The following MSRA variants were observed in gnomAD, a reference collection of about 807,000 sequenced individuals.
The protein encoded by MSRA is mitochondrial peptide methionine sulfoxide reductase.
MSRA carries 54 observed loss-of-function variants against 31.3 expected under a neutral mutation model. That is an observed-to-expected ratio of 1.73 (90% CI 1.39 to 2.17). The LOEUF is 2.17. Among genes scored for constraint, MSRA ranks in the 30% most tolerant of loss-of-function variants. The pLI is 0.00. For synonymous variants in MSRA, 169 were observed against 116.5 expected (o/e 1.45, Z -2.90); for missense variants, 507 against 300.9 (o/e 1.69, Z -5.07).
intron 1 of MSRA, among the ~76,000 whole-genome samples, chr8:10,079,340 A>T (rs755311482): frequency 2.0e-5 from 3 of 151,982 alleles, no homozygotes; most frequent in Admixed American, 6.6e-5. Context: ...TTTTTTGTAG[A>T]GACAGGGTTT....
At chr8:10,168,521 G>A (rs1214148931) in intron 1 of MSRA, among the ~76,000 whole-genome samples, 3 of 152,282 alleles carry the variant, frequency 2.0e-5, no homozygotes, top group African/African-American at 7.2e-5. Flanking sequence ...GTAGGGAGGA[G>A]GGAAGTAGCA....
At chr8:10,250,516 C>T in intron 3 of MSRA, 2 of 698,438 alleles carry the variant, frequency 2.9e-6, no homozygotes, top group South Asian at 1.5e-5. Flanking sequence ...ATGAAAGGAG[C>T]TGCACAACTT....
At chr8:10,370,286 C>T (rs1805403606) in intron 5 of MSRA, among the ~76,000 whole-genome samples, 1 of 152,158 alleles carries the variant, frequency 6.6e-6, no homozygotes, top group African/African-American at 2.4e-5. Flanking sequence ...AGATTCCTTC[C>T]TTAGCCTCTT....
intron 1 of MSRA, among the ~76,000 whole-genome samples, chr8:10,080,723 G>T (rs1353256932): frequency 4.8e-5 from 7 of 146,254 alleles, no homozygotes; most frequent in African/African-American, 1.8e-4. Context: ...ATTTCTAGTA[G>T]AGATGAGGTC....
intron 3 of MSRA, among the ~76,000 whole-genome samples, chr8:10,281,599 GA>G (rs1401808559): frequency 1.3e-5 from 2 of 152,296 alleles, no homozygotes; most frequent in East Asian, 3.9e-4. Context: ...ACACAACTTA[GA>G]AAAATGCTAT....
intron 1 of MSRA, among the ~76,000 whole-genome samples, chr8:10,077,004 A>G (rs1445923768): frequency 2.0e-5 from 3 of 149,712 alleles, no homozygotes; most frequent in Non-Finnish European, 3.0e-5. Flanking sequence ...TGCTGCACCT[A>G]TGTAATAAAC....
chr8:10,063,500 G>T (rs746552452), intron 1 of MSRA, among the ~76,000 whole-genome samples: 12 of 152,170 alleles, frequency 7.9e-5, no homozygotes, highest in Non-Finnish European at 1.3e-4. Flanking sequence ...CTTCCTTGCA[G>T]GTTGCTATGG....
At chr8:10,400,403 A>G (rs528656113) in intron 5 of MSRA, among the ~76,000 whole-genome samples, 2 of 96,908 alleles carry the variant, frequency 2.1e-5, no homozygotes, top group African/African-American at 3.1e-5. Flanking sequence ...GTGTGTAGGG[A>G]AAGATACACG....
At chr8:10,391,313 A>AT in intron 5 of MSRA, among the ~76,000 whole-genome samples, 1 of 152,162 alleles carries the variant, frequency 6.6e-6, no homozygotes, top group Admixed American at 6.5e-5. Context: ...GACATATTCA[A>AT]TGCTCTTGGC....
chr8:10,196,244 A>G (rs144885983), intron 1 of MSRA, among the ~76,000 whole-genome samples: 180 of 152,318 alleles, frequency 1.2e-3, no homozygotes, highest in South Asian at 3.5e-3. Flanking sequence ...AACGTGTGCC[A>G]CCTTCTCTTC....
intron 4 of MSRA, among the ~76,000 whole-genome samples, chr8:10,315,330 G>T (rs1361254608): frequency 6.6e-6 from 1 of 152,158 alleles, no homozygotes; most frequent in East Asian, 1.9e-4. Flanking sequence ...CAAAAACCAG[G>T]TGTGGTACAA....
At chr8:10,382,953 C>G (rs894124667) in intron 5 of MSRA, among the ~76,000 whole-genome samples, 4 of 152,234 alleles carry the variant, frequency 2.6e-5, no homozygotes, top group Non-Finnish European at 5.9e-5. Flanking sequence ...TTGAAACTTT[C>G]ATCTTCTCCT....
intron 1 of MSRA, among the ~76,000 whole-genome samples, chr8:10,093,394 T>G (rs1798954173): frequency 6.6e-6 from 1 of 152,200 alleles, no homozygotes; most frequent in Non-Finnish European, 1.5e-5. Flanking sequence ...CATCTTAATT[T>G]ATAACAATCT....
At chr8:10,235,992 A>C (rs1450326200) in intron 2 of MSRA, among the ~76,000 whole-genome samples, 1 of 152,206 alleles carries the variant, frequency 6.6e-6, no homozygotes, top group African/African-American at 2.4e-5. Context: ...AAATCTGTTA[A>C]TGTAATATAC....
chr8:10,387,950 C>T (rs1002689132), intron 5 of MSRA, among the ~76,000 whole-genome samples: 14 of 152,104 alleles, frequency 9.2e-5, no homozygotes, highest in African/African-American at 3.4e-4. Context: ...GCCAAAGCCG[C>T]CTATTTTAGG....
chr8:10,348,379 T>C (rs1489976806), intron 5 of MSRA, among the ~76,000 whole-genome samples: 2 of 124,804 alleles, frequency 1.6e-5, no homozygotes, highest in Non-Finnish European at 3.6e-5. Flanking sequence ...TTTTTTTTTT[T>C]TTTGGACAGA....
At chr8:10,282,205 G>T (rs564411632) in intron 3 of MSRA, among the ~76,000 whole-genome samples, 1 of 152,274 alleles carries the variant, frequency 6.6e-6, no homozygotes, top group South Asian at 2.1e-4. Flanking sequence ...CCTCTCACCA[G>T]CCTCTACAGT....
chr8:10,401,558 C>T (rs1807465237), intron 5 of MSRA, among the ~76,000 whole-genome samples: 1 of 152,164 alleles, frequency 6.6e-6, no homozygotes, highest in Admixed American at 6.5e-5. Context: ...AATCTCACGC[C>T]TATGTATATA....
intron 3 of MSRA, among the ~76,000 whole-genome samples, chr8:10,296,384 G>C (rs1311955364): frequency 6.6e-6 from 1 of 152,166 alleles, no homozygotes; most frequent in African/African-American, 2.4e-5. Context: ...TTTGTGTATG[G>C]AGAGCCTTAC....
Sources: gnomAD v4.1 joint callset for allele counts (sites outside exome capture counted in the v4.1 genomes callset) on GRCh38, gnomAD v4.1.1 for gene constraint, MANE v1.5 for transcripts, NCBI Gene and HGNC (gene_info 2026-07-23, HGNC 2026-07-21) for gene names.